DOCK5: variants seen among roughly 807,000 people sequenced by gnomAD.
DOCK5 encodes the protein dedicator of cytokinesis protein 5.
In DOCK5, 142 loss-of-function variants were observed where a neutral mutation model predicts 251.8. The observed-to-expected ratio is 0.56, with a 90% CI of 0.49 to 0.65. DOCK5 has a LOEUF of 0.65. DOCK5 is among the 30% of genes least tolerant of loss of function. DOCK5 has a pLI of 0.00. For synonymous variants in DOCK5, 842 were observed against 835.5 expected, an observed-to-expected ratio of 1.01 and a Z score of -0.13; for missense variants, 2,111 against 2,312.3, an observed-to-expected ratio of 0.91 and a Z score of 1.79.
At chr8:25,219,751 C>T (rs902453219) in intron 1 of DOCK5, among the ~76,000 whole-genome samples, 4 of 151,280 alleles carry the variant, frequency 2.6e-5, no homozygotes, top group Admixed American at 2.0e-4. Flanking sequence ...ACTTTCTGTC[C>T]CCTTCAACTG....
chr8:25,358,348 C>T (rs1586359427), intron 27 of DOCK5, among the ~76,000 whole-genome samples: 1 of 152,172 alleles, frequency 6.6e-6, no homozygotes, highest in Admixed American at 6.5e-5. Context: ...AACTCACTCA[C>T]TATCACGAGA....
intron 2 of DOCK5, among the ~76,000 whole-genome samples, chr8:25,244,300 G>A (rs1385560861): frequency 6.6e-6 from 1 of 152,200 alleles, no homozygotes; most frequent in Non-Finnish European, 1.5e-5. Flanking sequence ...AGTGGGCTGC[G>A]GGGCAGTACT....
chr8:25,370,999 C>G (rs1027769330), intron 34 of DOCK5, among the ~76,000 whole-genome samples: 1 of 152,090 alleles, frequency 6.6e-6, no homozygotes, highest in African/African-American at 2.4e-5. Context: ...GTTGTAACTA[C>G]TCTAGACCAT....
At chr8:25,236,050 G>A (rs760790567) in intron 1 of DOCK5, among the ~76,000 whole-genome samples, 12 of 151,898 alleles carry the variant, frequency 7.9e-5, no homozygotes, top group African/African-American at 1.7e-4. Context: ...CACCTGCCTC[G>A]GCCTCCCAAA....
chr8:25,380,178 G>A, intron 38 of DOCK5, 127 bp from the exon 39 acceptor site: 1 of 738,704 alleles, frequency 1.4e-6, no homozygotes, highest in Admixed American at 2.4e-5. Flanking sequence ...AAGCGAGTGA[G>A]GAATATCTAC....
chr8:25,250,886 T>G (rs780312927), intron 2 of DOCK5, among the ~76,000 whole-genome samples: 1 of 152,216 alleles, frequency 6.6e-6, no homozygotes, highest in Non-Finnish European at 1.5e-5. Flanking sequence ...TGACTGTCCC[T>G]GGGCAAGATA....
chr8:25,250,927 A>T (rs1252957855), intron 2 of DOCK5, among the ~76,000 whole-genome samples: 1 of 152,148 alleles, frequency 6.6e-6, no homozygotes, highest in Non-Finnish European at 1.5e-5. Context: ...AGGACATTTC[A>T]TCTAAATTGG....
At chr8:25,325,854 A>G (rs934580038) in intron 18 of DOCK5, among the ~76,000 whole-genome samples, 3 of 152,354 alleles carry the variant, frequency 2.0e-5, no homozygotes, top group Non-Finnish European at 4.4e-5. Flanking sequence ...ATGTTCCCTG[A>G]TAGTGCATTC....
intron 27 of DOCK5, among the ~76,000 whole-genome samples, chr8:25,354,049 CAAACAA>C (rs1563213063): frequency 4.3e-5 from 1 of 23,248 alleles, no homozygotes; most frequent in African/African-American, 1.7e-4. Flanking sequence ...AAAAAAAAAA[CAAACAA>C]AAAAAAAAAC....
intron 40 of DOCK5, among the ~76,000 whole-genome samples, chr8:25,384,447 A>ATTTTT: frequency 1.6e-4 from 4 of 25,282 alleles, no homozygotes; most frequent in Non-Finnish European, 2.3e-4. Context: ...TTATTTATTT[A>ATTTTT]TTTATTTATT....
chr8:25,243,796 A>G (rs1032424067), intron 2 of DOCK5, 39 bp downstream of exon 2: 21 of 1,588,890 alleles, frequency 1.3e-5, no homozygotes, highest in East Asian at 4.5e-5. Context: ...AGGGCAAGGG[A>G]AAAACAGTGT....
intron 32 of DOCK5, 95 bp from the exon 33 acceptor site, chr8:25,368,476 A>T: frequency 7.1e-7 from 1 of 1,413,486 alleles, no homozygotes; most frequent in Non-Finnish European, 9.6e-7. Context: ...AGTTGTTTTA[A>T]CCTTTTCTTT....
intron 1 of DOCK5, among the ~76,000 whole-genome samples, chr8:25,206,408 G>T (rs891975624): frequency 6.6e-6 from 1 of 152,126 alleles, no homozygotes; most frequent in African/African-American, 2.4e-5. Flanking sequence ...AATATCTGTG[G>T]TGTAAATACT....
intron 40 of DOCK5, among the ~76,000 whole-genome samples, chr8:25,386,965 G>A (rs1438286032): frequency 2.0e-5 from 3 of 152,192 alleles, no homozygotes; most frequent in Non-Finnish European, 2.9e-5. Context: ...TTTATAAACT[G>A]TAAAGTAGTT....
In DOCK5 at chr8:25,292,143, A is replaced by T; in HGVS notation, c.441A>T (p.Lys147Asn). Residue 147 changes from lysine to asparagine, a missense_variant, in exon 6 of 52, where the codon AAA becomes AAT. Coordinates refer to ENST00000276440, the MANE Select transcript of DOCK5 (RefSeq NM_024940.8). Reference protein sequence around the residue: ...PKDELAELKKKVTAKIDHGNR... With the variant: ...PKDELAELKKNVTAKIDHGNR... ...ATGAACTGGCAGAGCTCAAGAAGAAAGTCACAGCCAAAATTGATCATGGGA... is the reference window on the plus strand; with the variant it reads ...ATGAACTGGCAGAGCTCAAGAAGAATGTCACAGCCAAAATTGATCATGGGA... 1 of 1,582,654 alleles carries T rather than the reference A, an allele frequency of 6.3e-7. No individual in the cohort carries two copies. Among genetic ancestry groups the T allele is most frequent in the African/African-American group, 1.3e-5 (1 of 74,202 alleles).
At chr8:25,234,019 A>T (rs564720402) in intron 1 of DOCK5, among the ~76,000 whole-genome samples, 1 of 152,330 alleles carries the variant, frequency 6.6e-6, no homozygotes, top group Non-Finnish European at 1.5e-5. Context: ...TAGGATCCAG[A>T]GGTTAAAGGA....
intron 45 of DOCK5, among the ~76,000 whole-genome samples, chr8:25,398,850 C>T (rs1268621356): frequency 6.7e-6 from 1 of 150,370 alleles, no homozygotes; most frequent in East Asian, 2.0e-4. Flanking sequence ...TCTAAGGTAC[C>T]AGGCATTAGG....
rs1010025811 is a variant in DOCK5, at chr8:25,414,546, C to G, written c.*3248C>G. On this transcript the variant is annotated 3_prime_UTR_variant, in exon 52 of 52. Transcript: ENST00000276440. The stretch of plus-strand genomic sequence containing the variant: ...TTTACTCTTTCCAAGCTGGAAGAGT[C>G]CTTCTCCTCTAGTTGCCCCTAGGTC... 2 of 152,186 alleles carry G rather than the reference C, an allele frequency of 1.3e-5. No homozygotes were observed. The highest frequency in any genetic ancestry group is 2.1e-4 in the South Asian group (1 of 4,832). The allele number at this position is 152,186 out of a possible 1,614,324, so 9.4% of individuals were successfully genotyped here.
intron 3 of DOCK5, among the ~76,000 whole-genome samples, chr8:25,270,150 C>T (rs1368923041): frequency 6.6e-6 from 1 of 152,142 alleles, no homozygotes; most frequent in Non-Finnish European, 1.5e-5. Context: ...AGTTTTGGTC[C>T]TTTTTTCTCA....
Sources: gnomAD v4.1 joint callset for allele counts (sites outside exome capture counted in the v4.1 genomes callset) on GRCh38, gnomAD v4.1.1 for gene constraint, MANE v1.5 for transcripts, NCBI Gene and HGNC (gene_info 2026-07-23, HGNC 2026-07-21) for gene names.